Variants in ZNF331 observed in about 807,000 individuals in gnomAD.
ZNF331 encodes the protein zinc finger protein 331, also known as C2H2-like zinc finger protein rearranged in thyroid adenomas.
In ZNF331, 2 loss-of-function variants were observed where a neutral mutation model predicts 7.0. That is an observed-to-expected ratio of 0.29 (90% CI 0.12 to 0.90). The LOEUF (loss-of-function observed/expected upper bound fraction) is 0.90, where lower values mean the gene tolerates loss of function less well. Ranked by LOEUF, ZNF331 falls within the 40% of genes least tolerant of loss-of-function variation. The pLI, the probability that ZNF331 is intolerant of heterozygous loss-of-function variation, is 0.58. For synonymous variants in ZNF331, 196 were observed against 205.4 expected (o/e 0.95, Z 0.39); for missense variants, 432 against 587.7 (o/e 0.74, Z 2.74).
the ZNF331 span, among the ~76,000 whole-genome samples, chr19:53,506,380 C>A: frequency 6.7e-6 from 1 of 148,858 alleles, no homozygotes; most frequent in African/African-American, 2.5e-5. Flanking sequence ...CCCCATTGTC[C>A]TGGCCCCTAC....
the ZNF331 span, among the ~76,000 whole-genome samples, chr19:53,504,890 C>A: frequency 6.6e-6 from 1 of 152,214 alleles, no homozygotes; most frequent in East Asian, 1.9e-4. Context: ...GCAGCAAATT[C>A]TCTCACCCAA....
intron 2 of ZNF331, among the ~76,000 whole-genome samples, chr19:53,525,200 A>G (rs2147240844): frequency 6.6e-6 from 1 of 152,298 alleles, no homozygotes; most frequent in South Asian, 2.1e-4. Flanking sequence ...AGGTAGTGTG[A>G]TGCCTCCAGC....
At chr19:53,506,482 G>GTC in the ZNF331 span, among the ~76,000 whole-genome samples, 2 of 57,708 alleles carry the variant, frequency 3.5e-5, no homozygotes, top group African/African-American at 1.4e-4. Flanking sequence ...CTCTCTCTCT[G>GTC]TCTGTCTCTC....
At chr19:53,568,288 C>G (rs1467837059) in intron 3 of ZNF331, among the ~76,000 whole-genome samples, 1 of 151,858 alleles carries the variant, frequency 6.6e-6, no homozygotes, top group Non-Finnish European at 1.5e-5. Context: ...CAGGAGGGTT[C>G]CAGACACAGA....
intron 2 of ZNF331, 121 bp from the exon 3 acceptor site, chr19:53,555,724 A>G (rs1331772171): frequency 6.6e-6 from 1 of 152,080 alleles, no homozygotes; most frequent in East Asian, 1.9e-4. Flanking sequence ...ACGCTTCATC[A>G]TCTCAGTTAC....
Position 53,569,329 on chromosome 19 carries a change from T to A in ZNF331, c.-48T>A, listed in dbSNP as rs954314505. ...CTCTAGCCTCTCGGAATTTGTCTTC[T>A]TCAGTGGAAACCCCGAGAAGACTGA... On this transcript the variant is annotated 5_prime_UTR_variant, in exon 4 of 6. Coordinates refer to ENST00000449416, the MANE Select transcript of ZNF331 (RefSeq NM_001079906.2). 1.9e-5 allele frequency: 31 copies of A among 1,611,138 alleles called. No individual in the cohort carries two copies. Among genetic ancestry groups the A allele is most frequent in the Non-Finnish European group, 2.5e-5 (29 of 1,178,252 alleles).
At chr19:53,550,231 A>G (rs1361604623) in intron 2 of ZNF331, among the ~76,000 whole-genome samples, 2 of 152,220 alleles carry the variant, frequency 1.3e-5, no homozygotes, top group African/African-American at 4.8e-5. Context: ...GGTGCAGAAT[A>G]CAACTGTTAG....
the ZNF331 span, among the ~76,000 whole-genome samples, chr19:53,506,452 C>CTCTCTCTCTCTCTCTCTG: frequency 2.6e-4 from 24 of 91,090 alleles, no homozygotes; most frequent in Non-Finnish European, 4.2e-4. Flanking sequence ...CTGTCTCTCT[C>CTCTCTCTCTCTCTCTCTG]TCTCTCTCTC....
intron 5 of ZNF331, 56 bp from the exon 6 acceptor site, chr19:53,576,641 G>C: frequency 6.7e-7 from 1 of 1,487,030 alleles, no homozygotes; most frequent in Non-Finnish European, 9.0e-7. Flanking sequence ...TTTGTGGTTA[G>C]GTTCGTTTGT....
chr19:53,571,727 C>G lies in ZNF331; in HGVS notation c.133C>G (p.Leu45Val), dbSNP rs61741794. 3.7e-6 allele frequency: 6 copies of G among 1,610,254 alleles called. No homozygotes were observed. The East Asian group carries it at 1.3e-4, about 36-fold the overall frequency. ...GGAGAACTACAGTAACTTGGTCTCACTGGGTGAGTTGCACGCCTCAGATAA... is the reference window on the plus strand; with the variant it reads ...GGAGAACTACAGTAACTTGGTCTCAGTGGGTGAGTTGCACGCCTCAGATAA... ...MLENYSNLVS[L>V]DLESAYENKS... is the part of the protein sequence containing the mutation. Residue 45 changes from leucine to valine, a missense_variant, in exon 5 of 6, where the codon CTG (leucine) becomes GTG (valine). Physicochemically the swap from Leu to Val is conservative, Grantham distance 32. This residue lies in a region of ZNF331 where 39 missense variants were observed against 68.8 expected (regional missense o/e 0.57). Transcript: ENST00000449416. This position sits in a 1 kb window ranked among gnomAD's most constrained non-coding sequence, Gnocchi z 4.7.
chr19:53,519,463 T>C (rs1338282228), upstream of ZNF331, among the ~76,000 whole-genome samples: 1 of 152,204 alleles, frequency 6.6e-6, no homozygotes, highest in Non-Finnish European at 1.5e-5. Flanking sequence ...ATTCTCATCA[T>C]GTCCTACTGG....
At chr19:53,553,292 CAA>C (rs978247227) in intron 2 of ZNF331, among the ~76,000 whole-genome samples, 23 of 98,312 alleles carry the variant, frequency 2.3e-4, no homozygotes, top group Admixed American at 4.3e-4. Flanking sequence ...AACTCCATCT[CAA>C]AAAAAAAAAA....
In ZNF331 at chr19:53,577,876, A is replaced by G; in HGVS notation, c.1316A>G (p.Tyr439Cys). 3.7e-6 allele frequency: 6 copies of G among 1,613,864 alleles called. No homozygotes were observed. Among genetic ancestry groups the G allele is most frequent in the South Asian group, 1.1e-5 (1 of 91,080 alleles). ...AAAACGCACAGTGGGGCGAAATCCT[A>G]CGAATGTAAGGAGTGCGGGAAGGCA... ...HQKTHSGAKSYECKECGKACN... is the reference protein window; with the variant it reads ...HQKTHSGAKSCECKECGKACN... Residue 439 changes from tyrosine (Y) to cysteine (C), a missense_variant, in exon 6 of 6, where the codon TAC (tyrosine) becomes TGC (cysteine). Physicochemically the swap from Tyr to Cys is radical, Grantham distance 194. Transcript: ENST00000449416.
chr19:53,527,004 C>T (rs2087328066), intron 2 of ZNF331, among the ~76,000 whole-genome samples: 1 of 151,534 alleles, frequency 6.6e-6, no homozygotes, highest in Non-Finnish European at 1.5e-5. Flanking sequence ...GCCTGACCAA[C>T]ATGGTGAAAC....
chr19:53,553,726 C>T, intron 2 of ZNF331, among the ~76,000 whole-genome samples: 1 of 152,208 alleles, frequency 6.6e-6, no homozygotes, highest in East Asian at 1.9e-4. Flanking sequence ...CAAGGGACAC[C>T]GAATAGCACC....
chr19:53,546,883 G>A (rs748014532), intron 2 of ZNF331, among the ~76,000 whole-genome samples: 3 of 152,076 alleles, frequency 2.0e-5, no homozygotes, highest in Non-Finnish European at 4.4e-5. Flanking sequence ...TCAGTTCCCC[G>A]TTTGTGTGAA....
intron 2 of ZNF331, among the ~76,000 whole-genome samples, chr19:53,540,419 C>A (rs1049143566): frequency 6.6e-6 from 1 of 152,092 alleles, no homozygotes; most frequent in African/African-American, 2.4e-5. Context: ...TGCTTGGAGG[C>A]TCTAGGAGAT....
intron 2 of ZNF331, among the ~76,000 whole-genome samples, chr19:53,529,561 A>G (rs2087450290): frequency 6.6e-6 from 1 of 152,196 alleles, no homozygotes. Context: ...TGTTTCTTAC[A>G]ACTGCATGTG....
chr19:53,513,668 T>G, the ZNF331 span, among the ~76,000 whole-genome samples: 3 of 152,234 alleles, frequency 2.0e-5, no homozygotes, highest in Non-Finnish European at 4.4e-5. Flanking sequence ...GTTGTTGTTT[T>G]TGAGATGGAT....
Sources: allele counts gnomAD v4.1 joint callset (sites outside exome capture counted in the v4.1 genomes callset), GRCh38; gene constraint gnomAD v4.1.1; regional missense constraint gnomAD v4.1.1; non-coding constraint Gnocchi (gnomAD v3.1); transcripts MANE v1.5; gene names NCBI Gene and HGNC (gene_info 2026-07-23, HGNC 2026-07-21).